ADGRL2: variants seen among roughly 807,000 people sequenced by gnomAD.
ADGRL2 encodes calcium-independent alpha-latrotoxin receptor 2.
ADGRL2 carries 44 observed loss-of-function variants against 157.4 expected under a neutral mutation model. The observed-to-expected ratio is 0.28, with a 90% CI of 0.22 to 0.36. ADGRL2 has a LOEUF of 0.36. Ranked by LOEUF, ADGRL2 falls within the 10% of genes least tolerant of loss-of-function variation. The pLI, the probability that ADGRL2 is intolerant of heterozygous loss-of-function variation, is 1.00. For synonymous variants in ADGRL2, 585 were observed against 624.7 expected, an observed-to-expected ratio of 0.94 and a Z score of 0.95; for missense variants, 1,510 against 1,768.9, an observed-to-expected ratio of 0.85 and a Z score of 2.63.
chr1:81,900,047 T>C (rs1455114032), intron 2 of ADGRL2, among the ~76,000 whole-genome samples: 1 of 152,170 alleles, frequency 6.6e-6, no homozygotes, highest in Non-Finnish European at 1.5e-5. Flanking sequence ...ATTTCATTTT[T>C]ATTGGATATA....
chr1:81,310,990 G>A (rs1659716112), intron 1 of ADGRL2, among the ~76,000 whole-genome samples: 2 of 152,018 alleles, frequency 1.3e-5, no homozygotes, highest in African/African-American at 4.8e-5. Context: ...AAATTCTTTG[G>A]CTGTAATACT....
chr1:81,464,685 A>C (rs1011084372), intron 2 of ADGRL2, among the ~76,000 whole-genome samples: 4 of 152,196 alleles, frequency 2.6e-5, no homozygotes, highest in African/African-American at 9.7e-5. Flanking sequence ...GTTACTCCAG[A>C]ACAAGTCTAT....
chr1:81,951,896 G>A, intron 8 of ADGRL2, 61 bp from the exon 9 acceptor site: 1 of 1,341,168 alleles, frequency 7.5e-7, no homozygotes, highest in Non-Finnish European at 1.0e-6. Flanking sequence ...TACTCAAGGA[G>A]AACTAGAAGC....
chr1:81,715,404 G>A (rs2084079781), intron 1 of ADGRL2, among the ~76,000 whole-genome samples: 1 of 152,016 alleles, frequency 6.6e-6, no homozygotes, highest in Non-Finnish European at 1.5e-5. Context: ...AGGAGAAAAA[G>A]CACCAGCTCA....
chr1:81,514,314 C>A (rs1037064010), intron 2 of ADGRL2, among the ~76,000 whole-genome samples: 1 of 151,976 alleles, frequency 6.6e-6, no homozygotes, highest in African/African-American at 2.4e-5. Context: ...TAGTTACAGC[C>A]GCAGAAAGAA....
chr1:81,832,273 C>CT (rs1174115227), intron 1 of ADGRL2, among the ~76,000 whole-genome samples: 1 of 152,126 alleles, frequency 6.6e-6, no homozygotes, highest in Non-Finnish European at 1.5e-5. Flanking sequence ...TCCTGTGTAG[C>CT]TGGGATTACA....
rs1434681407 is a variant in ADGRL2, at chr1:81,942,018, A to T, written c.398-16A>T. ...TGCACCTTTTTTATTTTTCTTCCTG[A>T]TGCTTAAAATAGAAGTGGAGCAAAA... is the stretch of plus-strand genomic sequence containing the variant. On this transcript the variant is annotated splice_polypyrimidine_tract_variant and intron_variant, in intron 4 of 23. Transcript: ENST00000686636. The T allele has an allele frequency of 1.3e-6, 1 of 768,102 alleles. No homozygotes were observed. The highest frequency in any genetic ancestry group is 2.4e-6 in the Non-Finnish European group (1 of 412,354). 47.6% of individuals were successfully genotyped at this position (768,102 alleles called of 1,614,324 possible).
At chr1:81,521,302 T>C (rs1458905722) in intron 2 of ADGRL2, among the ~76,000 whole-genome samples, 1 of 152,182 alleles carries the variant, frequency 6.6e-6, no homozygotes, top group African/African-American at 2.4e-5. Context: ...TTTCCATCCT[T>C]TAAAACTATT....
At chr1:81,432,569 GTTA>G in intron 1 of ADGRL2, among the ~76,000 whole-genome samples, 1 of 152,204 alleles carries the variant, frequency 6.6e-6, no homozygotes, top group East Asian at 1.9e-4. Context: ...TAAGTGAAAT[GTTA>G]TTATGAGTTC....
At chr1:81,496,961 C>T (rs1022635776) in intron 2 of ADGRL2, among the ~76,000 whole-genome samples, 1 of 151,902 alleles carries the variant, frequency 6.6e-6, no homozygotes, top group African/African-American at 2.4e-5. Flanking sequence ...TTTTCTTCTA[C>T]TAACCACTTA....
intron 1 of ADGRL2, among the ~76,000 whole-genome samples, chr1:81,740,573 G>A (rs1488336710): frequency 6.6e-6 from 1 of 152,162 alleles, no homozygotes; most frequent in East Asian, 1.9e-4. Context: ...AGGCAAGAAC[G>A]TGGTTATTCA....
At chr1:81,463,666 C>T (rs2077988089) in intron 2 of ADGRL2, among the ~76,000 whole-genome samples, 1 of 152,038 alleles carries the variant, frequency 6.6e-6, no homozygotes, top group South Asian at 2.1e-4. Flanking sequence ...AGATAGTTAC[C>T]TAAATTAGTA....
intron 2 of ADGRL2, among the ~76,000 whole-genome samples, chr1:81,497,715 A>G (rs2078759862): frequency 6.6e-6 from 1 of 152,242 alleles, no homozygotes; most frequent in Admixed American, 6.5e-5. Flanking sequence ...GATACTTCAT[A>G]TAAGAAATGA....
At chr1:81,780,565 C>T (rs944330469) in intron 2 of ADGRL2, among the ~76,000 whole-genome samples, 7 of 152,132 alleles carry the variant, frequency 4.6e-5, no homozygotes, top group African/African-American at 7.2e-5. Context: ...GGGTTCTTTT[C>T]CTTAGGTCAG....
intron 2 of ADGRL2, among the ~76,000 whole-genome samples, chr1:81,536,468 C>G (rs2079739943): frequency 6.6e-6 from 1 of 152,262 alleles, no homozygotes; most frequent in Admixed American, 6.5e-5. Context: ...TCGATTTTCT[C>G]TAAGGAGGGA....
chr1:81,529,624 A>G (rs567905047), intron 2 of ADGRL2, among the ~76,000 whole-genome samples: 3 of 152,334 alleles, frequency 2.0e-5, no homozygotes, highest in South Asian at 4.1e-4. Flanking sequence ...TTGTATTGTT[A>G]TTTTAAAAAC....
At chr1:81,531,341 T>C (rs1471865235) in intron 2 of ADGRL2, among the ~76,000 whole-genome samples, 1 of 151,818 alleles carries the variant, frequency 6.6e-6, no homozygotes, top group Non-Finnish European at 1.5e-5. Flanking sequence ...ACACCAACTT[T>C]TGAACCTATA....
At chr1:81,929,284 G>T (rs2148733187) in intron 3 of ADGRL2, among the ~76,000 whole-genome samples, 1 of 152,268 alleles carries the variant, frequency 6.6e-6, no homozygotes, top group Non-Finnish European at 1.5e-5. Flanking sequence ...CATAGCTCTA[G>T]TGCAAGTTTC....
chr1:81,714,746 C>T (rs916659967), intron 1 of ADGRL2, among the ~76,000 whole-genome samples: 3 of 152,014 alleles, frequency 2.0e-5, no homozygotes, highest in African/African-American at 4.8e-5. Flanking sequence ...ACTTGAATAG[C>T]TCCTATTTCA....
Sources: allele counts gnomAD v4.1 joint callset (sites outside exome capture counted in the v4.1 genomes callset), GRCh38; gene constraint gnomAD v4.1.1; transcripts MANE v1.5; gene names NCBI Gene and HGNC (gene_info 2026-07-23, HGNC 2026-07-21).